Variants in ATXN10 observed in about 807,000 individuals in gnomAD.
ATXN10 encodes the protein ataxin 10, also known as ataxin-10.
In ATXN10, 28 loss-of-function variants were observed where a neutral mutation model predicts 52.9. The ratio of observed to expected loss-of-function variants is 0.53; its 90% CI spans 0.39 to 0.73. The LOEUF is 0.73. Ranked by LOEUF, ATXN10 falls within the 30% of genes least tolerant of loss-of-function variation. ATXN10 has a pLI of 0.00. For missense variants in ATXN10, 565 were observed against 577.0 expected (o/e 0.98, Z 0.21); for synonymous variants, 226 against 221.5 (o/e 1.02, Z -0.18).
chr22:45,710,848 G>T (rs1242532060), intron 5 of ATXN10, among the ~76,000 whole-genome samples: 1 of 152,108 alleles, frequency 6.6e-6, no homozygotes, highest in Non-Finnish European at 1.5e-5. Context: ...AAGGGTTTTT[G>T]GTAGTAGTAT....
rs1923333924 is a variant in ATXN10, at chr22:45,690,627, CATATTT to C, written c.308+725_308+730del. ...GTTACTCTTGTGTTTGGACAAGAAG[CATATTT>C]TGTAAATTTACAAGATGACCTGTCT... is the stretch of plus-strand genomic sequence containing the variant. On this transcript the variant is annotated intron_variant, in intron 2 of 11. Transcript: ENST00000252934. The surrounding 1 kb of genome is among the most constrained non-coding windows in gnomAD (Gnocchi z 4.5). Among the ~76,000 whole-genome samples, 1 of 152,126 alleles carries C rather than the reference CATATTT, an allele frequency of 6.6e-6. No homozygotes were observed. The highest frequency in any genetic ancestry group is 2.4e-5 in the African/African-American group (1 of 41,424).
Position 45,795,165 on chromosome 22 carries a change from T to G in ATXN10, c.1174-11794T>G, listed in dbSNP as rs1195068650. On this transcript the variant is annotated intron_variant, in intron 9 of 11. Coordinates refer to ENST00000252934, the MANE Select transcript of ATXN10 (RefSeq NM_013236.4). This position sits in a 1 kb window ranked among gnomAD's most constrained non-coding sequence, Gnocchi z 4.6. ...CACTTTTAGAAAAAGAGAGAGACAG[T>G]TAACAAGCCAGTATTGGAGAAATAA... Among the ~76,000 whole-genome samples the G allele has an allele frequency of 6.6e-6, 1 of 152,126 alleles. No homozygotes were observed. Among genetic ancestry groups the G allele is most frequent in the African/African-American group, 2.4e-5 (1 of 41,420 alleles).
intron 5 of ATXN10, 138 bp downstream of exon 5, chr22:45,702,985 A>C: frequency 1.8e-6 from 2 of 1,106,962 alleles, no homozygotes; most frequent in Non-Finnish European, 2.7e-6. Flanking sequence ...ACAGAATTAG[A>C]GAAGATTTTG....
intron 6 of ATXN10, among the ~76,000 whole-genome samples, chr22:45,726,136 G>A (rs897770415): frequency 2.6e-5 from 4 of 152,104 alleles, no homozygotes; most frequent in Admixed American, 2.6e-4. Flanking sequence ...GTCCTTTACT[G>A]CTTTTGGTAT....
At chr22:45,827,973 T>G (rs561664834) in intron 10 of ATXN10, among the ~76,000 whole-genome samples, 1 of 152,314 alleles carries the variant, frequency 6.6e-6, no homozygotes, top group South Asian at 2.1e-4. Flanking sequence ...GAACTAAAAC[T>G]GGACTATTCA....
At position 45,831,372 on chromosome 22, in the gene ATXN10, TA is replaced by T. The variant is rs1011687891; in HGVS notation, c.1238-11607del. 8.7e-3 allele frequency among the ~76,000 whole-genome samples: 1,297 copies of T among 148,362 alleles called. 11 individuals are homozygous for T. Among genetic ancestry groups the T allele is most frequent in the African/African-American group, 0.03 (1,215 of 40,566 alleles). On this transcript the variant is annotated intron_variant, in intron 10 of 11. Transcript: ENST00000252934. ...TTATGTTACGTGTACCTTACCACAG[TA>T]AAAAAAAAAAATTTTGGAGAAAAAT...
At position 45,672,053 on chromosome 22, in the gene ATXN10, T is replaced by C. The variant is rs779263368; in HGVS notation, c.-11T>C. 17 of 1,534,706 alleles carry C rather than the reference T, an allele frequency of 1.1e-5. No homozygotes were observed. In the South Asian group the frequency reaches 1.8e-4, roughly 16 times the overall value. ...CTCCTCGTCAGGCTCGACCCAGCTG[T>C]GAGCGGCAAGATGGCGGCGCCCAGG... On this transcript the variant is annotated 5_prime_UTR_variant, in exon 1 of 12. Coordinates refer to ENST00000252934, the MANE Select transcript of ATXN10 (RefSeq NM_013236.4).
rs1340397846 is a variant in ATXN10 at position 45,718,164 on chromosome 22, C to A, written c.648-249C>A. ...TAGTAGCCCTGTCTTCCCGTTGAAT[C>A]AATTTAAATTATTTCCATAAAGCTT... On this transcript the variant is annotated intron_variant, in intron 5 of 11. Transcript: ENST00000252934. The surrounding 1 kb of genome is among the most constrained non-coding windows in gnomAD (Gnocchi z 4.4). Among the ~76,000 whole-genome samples, 2 of 152,076 alleles carry A rather than the reference C, an allele frequency of 1.3e-5. No homozygotes were observed. Among genetic ancestry groups the A allele is most frequent in the African/African-American group, 2.4e-5 (1 of 41,398 alleles).
intron 7 of ATXN10, among the ~76,000 whole-genome samples, chr22:45,734,869 A>AT (rs1925229621): frequency 7.0e-6 from 1 of 142,360 alleles, no homozygotes; most frequent in Non-Finnish European, 1.5e-5. Context: ...GAAATGGGTT[A>AT]TATTATTATT....
chr22:45,724,152 G>A (rs1160402956), intron 6 of ATXN10, among the ~76,000 whole-genome samples: 2 of 151,894 alleles, frequency 1.3e-5, no homozygotes, highest in Non-Finnish European at 2.9e-5. Context: ...AAACATACGC[G>A]TGCAGGTGTC....
Position 45,757,937 on chromosome 22 carries a change from C to A in ATXN10, c.1173+17399C>A, listed in dbSNP as rs1569052603. Among the ~76,000 whole-genome samples the A allele has an allele frequency of 6.6e-6, 1 of 152,188 alleles. No individual in the cohort carries two copies. Among genetic ancestry groups the A allele is most frequent in the Non-Finnish European group, 1.5e-5 (1 of 68,026 alleles). ...CCTCTGCTGTGGATACTATTTACTT[C>A]TTTTGAAATTTGTAAAAGAAGAAAA... On this transcript the variant is annotated intron_variant, in intron 9 of 11. Coordinates refer to ENST00000252934, the MANE Select transcript of ATXN10 (RefSeq NM_013236.4). The surrounding 1 kb of genome is among the most constrained non-coding windows in gnomAD (Gnocchi z 4.6).
chr22:45,716,937 A>G (rs1477143399), intron 5 of ATXN10, among the ~76,000 whole-genome samples: 1 of 152,188 alleles, frequency 6.6e-6, no homozygotes, highest in Non-Finnish European at 1.5e-5. Context: ...GGTTGAGGCA[A>G]CTTTCTTCAC....
intron 5 of ATXN10, among the ~76,000 whole-genome samples, chr22:45,714,081 A>G (rs942278423): frequency 3.3e-5 from 5 of 152,184 alleles, no homozygotes; most frequent in Admixed American, 6.5e-5. Flanking sequence ...CTTCATCGCT[A>G]TTGTGCCAGT....
At chr22:45,725,407 T>A (rs1924828097) in intron 6 of ATXN10, among the ~76,000 whole-genome samples, 1 of 151,872 alleles carries the variant, frequency 6.6e-6, no homozygotes, top group African/African-American at 2.4e-5. Flanking sequence ...TTTGATTTTT[T>A]TTTTTTTTTT....
Position 45,712,527 on chromosome 22 carries a change from A to C in ATXN10, c.648-5886A>C, listed in dbSNP as rs548873858. ...CACTGCCAGTGAGTGTTGGGCTGAGACTCAAACCCAGCTCTTTCTGAGACC... is the reference window on the plus strand; with the variant it reads ...CACTGCCAGTGAGTGTTGGGCTGAGCCTCAAACCCAGCTCTTTCTGAGACC... On this transcript the variant is annotated intron_variant, in intron 5 of 11. Coordinates refer to ENST00000252934, the MANE Select transcript of ATXN10 (RefSeq NM_013236.4). This position sits in a 1 kb window ranked among gnomAD's most constrained non-coding sequence, Gnocchi z 4.6. Among the ~76,000 whole-genome samples, 13 of 152,250 alleles carry C rather than the reference A, an allele frequency of 8.5e-5. No homozygotes were observed. Among genetic ancestry groups the C allele is most frequent in the African/African-American group, 3.1e-4 (13 of 41,560 alleles).
At chr22:45,832,640 T>C (rs1182685575) in intron 10 of ATXN10, among the ~76,000 whole-genome samples, 1 of 152,240 alleles carries the variant, frequency 6.6e-6, no homozygotes, top group African/African-American at 2.4e-5. Flanking sequence ...TTCGTATTTA[T>C]TAAATGAATG....
intron 9 of ATXN10, among the ~76,000 whole-genome samples, chr22:45,796,123 C>T (rs999086448): frequency 3.3e-5 from 5 of 152,308 alleles, no homozygotes; most frequent in African/African-American, 1.2e-4. Context: ...CCCTGGGAAA[C>T]GAATGCATTC....
At position 45,775,265 on chromosome 22, in the gene ATXN10, C is replaced by T. The variant is rs1926910199; in HGVS notation, c.1174-31694C>T. On this transcript the variant is annotated intron_variant, in intron 9 of 11. Coordinates refer to ENST00000252934, the MANE Select transcript of ATXN10 (RefSeq NM_013236.4). The surrounding 1 kb of genome is among the most constrained non-coding windows in gnomAD (Gnocchi z 4.7). ...ATAACAGGAGGCTACTGGTCCTGGG[C>T]ATGGGGCTGTGTCCCTGTCCCTGTG... Among the ~76,000 whole-genome samples the T allele has an allele frequency of 1.3e-5, 2 of 152,170 alleles. No homozygotes were observed. The highest frequency in any genetic ancestry group is 2.9e-5 in the Non-Finnish European group (2 of 68,022).
Position 45,700,331 on chromosome 22 carries a change from A to G in ATXN10, c.441A>G (p.Glu147=), listed in dbSNP as rs1923792109. ...TAGGCAACATTGCCTCACGGAATGAAGATTCCCAGTCTATTGTTTGGGTGC... is the reference window on the plus strand; with the variant it reads ...TAGGCAACATTGCCTCACGGAATGAGGATTCCCAGTCTATTGTTTGGGTGC... ...QFLGNIASRN[E]DSQSIVWVHA... The change falls in exon 4 of 12, where the codon GAA becomes GAG. Residue 147 remains glutamate, a synonymous_variant. Coordinates refer to ENST00000252934, the MANE Select transcript of ATXN10 (RefSeq NM_013236.4). The G allele has an allele frequency of 6.2e-7, 1 of 1,614,148 alleles. No homozygotes were observed. Among genetic ancestry groups the G allele is most frequent in the Non-Finnish European group, 8.5e-7 (1 of 1,179,998 alleles).
Sources: gnomAD v4.1 joint callset for allele counts (sites outside exome capture counted in the v4.1 genomes callset) on GRCh38, gnomAD v4.1.1 for gene constraint, Gnocchi (gnomAD v3.1) non-coding constraint, MANE v1.5 for transcripts, NCBI Gene and HGNC (gene_info 2026-07-23, HGNC 2026-07-21) for gene names.